SYNPO2: variants seen among roughly 807,000 people sequenced by gnomAD.
SYNPO2 encodes synaptopodin 2, also known as synaptopodin-2.
A neutral mutation model predicts 85.0 loss-of-function variants in SYNPO2; 56 were observed. The ratio of observed to expected loss-of-function variants is 0.66; its 90% CI spans 0.53 to 0.82. The LOEUF is 0.82. Among genes scored for constraint, SYNPO2 ranks in the 40% least tolerant of loss-of-function variants. SYNPO2 has a pLI of 0.00. For synonymous variants in SYNPO2, 602 were observed against 591.1 expected, an observed-to-expected ratio of 1.02 and a Z score of -0.27; for missense variants, 1,575 against 1,534.2, an observed-to-expected ratio of 1.03 and a Z score of -0.44.
In SYNPO2 at chr4:119,058,999, G is replaced by T. The variant is rs1739316040; in HGVS notation, c.*1065G>T. ...GGGGTCCCCATCTGTCAAATGAGAA[G>T]ATTGGATTATCTAATCTTTTAGATC... is the stretch of plus-strand genomic sequence containing the variant. On this transcript the variant is annotated 3_prime_UTR_variant, in exon 5 of 5. Coordinates refer to ENST00000307142, the MANE Select transcript of SYNPO2 (RefSeq NM_133477.3). The T allele has an allele frequency of 6.6e-6, 1 of 152,176 alleles. No individual in the cohort carries two copies. Among genetic ancestry groups the T allele is most frequent in the Non-Finnish European group, 1.5e-5 (1 of 68,034 alleles). The allele number at this position is 152,176 out of a possible 1,614,324, so 9.4% of individuals were successfully genotyped here.
intron 1 of SYNPO2, among the ~76,000 whole-genome samples, chr4:118,851,731 T>C (rs970515199): frequency 1.4e-4 from 21 of 152,316 alleles, no homozygotes; most frequent in African/African-American, 5.1e-4. Flanking sequence ...TATTTTACAT[T>C]TTTTCAAATC....
upstream of SYNPO2, among the ~76,000 whole-genome samples, chr4:118,885,402 G>A (rs1732180160): frequency 6.6e-6 from 1 of 151,894 alleles, no homozygotes; most frequent in Non-Finnish European, 1.5e-5. Context: ...AGATAGACAT[G>A]GTCCCAGGAG....
chr4:118,906,368 G>GAA (rs2149121692), intron 1 of SYNPO2, among the ~76,000 whole-genome samples: 1 of 152,256 alleles, frequency 6.6e-6, no homozygotes, highest in South Asian at 2.1e-4. Context: ...ATTGAACTGA[G>GAA]AATCAGGAGA....
chr4:118,893,033 A>G (rs1732427509), intron 1 of SYNPO2, among the ~76,000 whole-genome samples: 1 of 152,160 alleles, frequency 6.6e-6, no homozygotes, highest in Non-Finnish European at 1.5e-5. Flanking sequence ...CTAAAGGGGG[A>G]AAAAGATTTT....
chr4:118,953,333 T>C (rs191017896), intron 1 of SYNPO2, among the ~76,000 whole-genome samples: 1 of 152,280 alleles, frequency 6.6e-6, no homozygotes, highest in Admixed American at 6.5e-5. Context: ...TCTCCCTTCG[T>C]AGGATTCATC....
chr4:118,994,989 T>C (rs957877425), intron 1 of SYNPO2, among the ~76,000 whole-genome samples: 1 of 152,214 alleles, frequency 6.6e-6, no homozygotes, highest in Admixed American at 6.5e-5. Context: ...ATTTTTCAAA[T>C]CACAAACTAA....
chr4:118,983,705 A>G (rs1176394518), intron 1 of SYNPO2, among the ~76,000 whole-genome samples: 7 of 152,124 alleles, frequency 4.6e-5, no homozygotes, highest in African/African-American at 1.7e-4. Context: ...TGTGTTCTTT[A>G]CTGAGCTCAT....
intron 1 of SYNPO2, among the ~76,000 whole-genome samples, chr4:118,979,570 C>G (rs763038796): frequency 6.6e-6 from 1 of 152,184 alleles, no homozygotes; most frequent in Non-Finnish European, 1.5e-5. Context: ...CCTGGCCTAA[C>G]TTTGTATTTC....
intron 1 of SYNPO2, among the ~76,000 whole-genome samples, chr4:118,919,427 C>T (rs1380249490): frequency 6.6e-6 from 1 of 152,044 alleles, no homozygotes; most frequent in Non-Finnish European, 1.5e-5. Flanking sequence ...AAAGTTTATT[C>T]ATCTAGGTAT....
intron 4 of SYNPO2, among the ~76,000 whole-genome samples, chr4:119,052,885 G>A (rs540567385): frequency 1.3e-5 from 2 of 152,222 alleles, no homozygotes; most frequent in African/African-American, 4.8e-5. Flanking sequence ...ATTAAATAAA[G>A]TTTAAAAGGT....
chr4:118,937,865 C>T lies in SYNPO2; in HGVS notation c.105+48724C>T, dbSNP rs79528821. 6.2e-3 allele frequency among the ~76,000 whole-genome samples: 943 copies of T among 152,238 alleles called. 45 individuals carry two copies. In the East Asian group the frequency reaches 0.13, roughly 21 times the overall value. On this transcript the variant is annotated intron_variant, in intron 1 of 4. Coordinates refer to ENST00000307142, the MANE Select transcript of SYNPO2 (RefSeq NM_133477.3). ...TTGGATACCAAAATCTAAGGATGCT[C>T]AAGTCCCTGGTGTGAAATGGCATAG...
At chr4:118,964,347 A>C (rs4834731) in intron 1 of SYNPO2, among the ~76,000 whole-genome samples, 1 of 150,858 alleles carries the variant, frequency 6.6e-6, no homozygotes, top group African/African-American at 2.4e-5. Flanking sequence ...CACACTAGCC[A>C]GGTGTGGTAG....
intron 1 of SYNPO2, among the ~76,000 whole-genome samples, chr4:118,995,475 A>G (rs1336175369): frequency 2.6e-5 from 4 of 152,170 alleles, no homozygotes; most frequent in Admixed American, 2.0e-4. Context: ...ATTATTTCCA[A>G]TTTTACAAAT....
At chr4:118,964,500 TAA>T (rs34230396) in intron 1 of SYNPO2, among the ~76,000 whole-genome samples, 11 of 145,372 alleles carry the variant, frequency 7.6e-5, no homozygotes, top group Non-Finnish European at 1.7e-4. Context: ...AAAAGTAAAT[TAA>T]AAAAAAAAAC....
chr4:118,949,412 C>T (rs1316190211), intron 1 of SYNPO2, among the ~76,000 whole-genome samples: 1 of 152,012 alleles, frequency 6.6e-6, no homozygotes, highest in African/African-American at 2.4e-5. Flanking sequence ...TAGTTGAATG[C>T]TCTTGCAGGT....
chr4:118,892,976 G>A (rs1051367309), intron 1 of SYNPO2, among the ~76,000 whole-genome samples: 2 of 152,072 alleles, frequency 1.3e-5, no homozygotes, highest in African/African-American at 4.8e-5. Flanking sequence ...CATCAGTAAG[G>A]TTTTTAAAAT....
intron 4 of SYNPO2, among the ~76,000 whole-genome samples, chr4:119,054,784 C>G (rs190213138): frequency 2.4e-3 from 358 of 152,282 alleles, no homozygotes; most frequent in African/African-American, 7.9e-3. Flanking sequence ...AATAGAAGTT[C>G]TCACTTTGGG....
At chr4:118,940,816 C>T (rs538348429) in intron 1 of SYNPO2, among the ~76,000 whole-genome samples, 3 of 152,192 alleles carry the variant, frequency 2.0e-5, no homozygotes, top group African/African-American at 7.2e-5. Flanking sequence ...CAATGCTTTT[C>T]CTCCCACCTC....
Position 118,909,415 on chromosome 4 carries a change from G to A in SYNPO2, c.105+20274G>A, listed in dbSNP as rs1465287529. Among the ~76,000 whole-genome samples the A allele has an allele frequency of 9.2e-5, 14 of 152,180 alleles. 1 individual carries two copies. Among genetic ancestry groups the A allele is most frequent in the Non-Finnish European group, 2.1e-4 (14 of 68,032 alleles). ...GGGTGTGGGAGAGGGGAGAGCATGTGTGAGATATGAAGATGCCTGTTCCCT... is the reference window on the plus strand; with the variant it reads ...GGGTGTGGGAGAGGGGAGAGCATGTATGAGATATGAAGATGCCTGTTCCCT... On this transcript the variant is annotated intron_variant, in intron 1 of 4. Transcript: ENST00000307142.
Sources: allele counts gnomAD v4.1 joint callset (sites outside exome capture counted in the v4.1 genomes callset), GRCh38; gene constraint gnomAD v4.1.1; transcripts MANE v1.5; gene names NCBI Gene and HGNC (gene_info 2026-07-23, HGNC 2026-07-21).